SLC35A1: variants seen among roughly 807,000 people sequenced by gnomAD.
The protein encoded by SLC35A1 is solute carrier family 35 member A1.
Under a neutral mutation model 40.3 loss-of-function variants are expected in SLC35A1, and 21 were observed. That is an observed-to-expected ratio of 0.52 (90% CI 0.37 to 0.75). SLC35A1 has a LOEUF of 0.75. Ranked by LOEUF, SLC35A1 falls within the 30% of genes least tolerant of loss-of-function variation. The pLI is 0.00. For missense variants in SLC35A1, 297 were observed against 382.1 expected, an observed-to-expected ratio of 0.78 and a Z score of 1.86; for synonymous variants, 146 against 147.3, an observed-to-expected ratio of 0.99 and a Z score of 0.06.
At chr6:87,501,489 T>G (rs1166096667) in intron 4 of SLC35A1, among the ~76,000 whole-genome samples, 179 bp downstream of exon 4, 8 of 152,214 alleles carry the variant, frequency 5.3e-5, no homozygotes. Flanking sequence ...TACTTATTGG[T>G]TGTTTCTCAG....
At chr6:87,509,459 G>T (rs1252930088) in intron 7 of SLC35A1, among the ~76,000 whole-genome samples, 2 of 152,080 alleles carry the variant, frequency 1.3e-5, no homozygotes, top group Non-Finnish European at 2.9e-5. Context: ...GTATTTTTAG[G>T]TATTGTATAT....
chr6:87,506,597 T>C, intron 5 of SLC35A1, 149 bp downstream of exon 5: 1 of 713,700 alleles, frequency 1.4e-6, no homozygotes, highest in East Asian at 2.7e-5. Context: ...TCAGCTGTTT[T>C]TCCAGTAAAT....
chr6:87,509,797 C>G (rs536580413), intron 7 of SLC35A1, among the ~76,000 whole-genome samples: 12 of 152,040 alleles, frequency 7.9e-5, no homozygotes, highest in Non-Finnish European at 1.3e-4. Context: ...ACTCTCACAC[C>G]CAGCATTAAT....
intron 4 of SLC35A1, among the ~76,000 whole-genome samples, 188 bp from the exon 5 acceptor site, chr6:87,506,194 G>A (rs537782108): frequency 6.6e-6 from 1 of 152,270 alleles, no homozygotes; most frequent in South Asian, 2.1e-4. Flanking sequence ...TTTCACTTAA[G>A]CCAAGTGCCC....
intron 1 of SLC35A1, among the ~76,000 whole-genome samples, chr6:87,473,431 C>G (rs1768976694): frequency 6.6e-6 from 1 of 152,218 alleles, no homozygotes; most frequent in South Asian, 2.1e-4. Flanking sequence ...GCCTCCTACC[C>G]TGTGGATGCT....
intron 2 of SLC35A1, among the ~76,000 whole-genome samples, chr6:87,479,524 G>A (rs1769188641): frequency 6.6e-6 from 1 of 152,194 alleles, no homozygotes; most frequent in Admixed American, 6.5e-5. Context: ...TAACTCATTG[G>A]ACAGAGCAGT....
intron 4 of SLC35A1, among the ~76,000 whole-genome samples, chr6:87,505,253 T>A (rs1770043779): frequency 1.3e-5 from 2 of 152,200 alleles, no homozygotes; most frequent in South Asian, 4.1e-4. Flanking sequence ...GGTATATACT[T>A]CCTTGTCATA....
At chr6:87,504,522 C>G (rs938086325) in intron 4 of SLC35A1, among the ~76,000 whole-genome samples, 1 of 152,132 alleles carries the variant, frequency 6.6e-6, no homozygotes, top group African/African-American at 2.4e-5. Flanking sequence ...CTCTTAATCT[C>G]TCTTGAATGT....
chr6:87,511,964 C>T lies in SLC35A1; in HGVS notation c.*438C>T. The T allele has an allele frequency of 4.4e-6, 1 of 226,508 alleles. No individual in the cohort carries two copies. The highest frequency in any genetic ancestry group is 1.1e-4 in the East Asian group (1 of 9,380). 14.0% of individuals were successfully genotyped at this position (226,508 alleles called of 1,614,324 possible). ...CCCTCCTTATTCTCCAATTCATGTA[C>T]AGTATTTTGTCCTAGCAGCATAAAG... On this transcript the variant is annotated 3_prime_UTR_variant, in exon 8 of 8. Coordinates refer to ENST00000369552, the MANE Select transcript of SLC35A1 (RefSeq NM_006416.5).
intron 2 of SLC35A1, among the ~76,000 whole-genome samples, chr6:87,496,779 C>CAAAAAAAA (rs751785939): frequency 3.6e-5 from 1 of 28,110 alleles, no homozygotes; most frequent in Non-Finnish European, 6.6e-5. Context: ...GACTCCATCT[C>CAAAAAAAA]AAAAAAAAAA....
At chr6:87,494,302 CA>C (rs1283632657) in intron 2 of SLC35A1, among the ~76,000 whole-genome samples, 1 of 151,848 alleles carries the variant, frequency 6.6e-6, no homozygotes, top group Non-Finnish European at 1.5e-5. Flanking sequence ...ATTATTATAT[CA>C]GATAACTTTT....
At chr6:87,502,043 T>G (rs1769936869) in intron 4 of SLC35A1, among the ~76,000 whole-genome samples, 1 of 152,172 alleles carries the variant, frequency 6.6e-6, no homozygotes, top group East Asian at 1.9e-4. Flanking sequence ...GCAAACAGAC[T>G]ATGGTTCTCT....
intron 7 of SLC35A1, 91 bp from the exon 8 acceptor site, chr6:87,511,308 C>T: frequency 7.3e-7 from 1 of 1,369,496 alleles, no homozygotes. Flanking sequence ...TAGTGTAAAC[C>T]CACAATTAAG....
At chr6:87,493,250 C>CA (rs1447790023) in intron 2 of SLC35A1, among the ~76,000 whole-genome samples, 1 of 152,156 alleles carries the variant, frequency 6.6e-6, no homozygotes, top group African/African-American at 2.4e-5. Context: ...TATCTTGTTA[C>CA]AGGCTTTTCT....
chr6:87,489,831 A>ATT (rs35994719), intron 2 of SLC35A1, among the ~76,000 whole-genome samples: 23 of 141,356 alleles, frequency 1.6e-4, no homozygotes, highest in East Asian at 6.1e-4. Context: ...GCCTGGCCAA[A>ATT]TTTTTTTTTT....
chr6:87,509,496 G>T (rs191583179), intron 7 of SLC35A1, among the ~76,000 whole-genome samples: 111 of 152,296 alleles, frequency 7.3e-4, no homozygotes, highest in African/African-American at 2.6e-3. Context: ...CTGAATGTGA[G>T]AAGGTACTCA....
chr6:87,503,475 T>C (rs537302462), intron 4 of SLC35A1, among the ~76,000 whole-genome samples: 77 of 152,266 alleles, frequency 5.1e-4, no homozygotes, highest in African/African-American at 1.8e-3. Context: ...AAAAATATTA[T>C]GTGGCTGGTC....
intron 2 of SLC35A1, among the ~76,000 whole-genome samples, chr6:87,490,930 A>G (rs1385318745): frequency 4.6e-5 from 7 of 152,228 alleles, no homozygotes; most frequent in African/African-American, 9.6e-5. Context: ...CTTTAAGATT[A>G]TATTTGCTGC....
chr6:87,480,284 C>T (rs2127964148), intron 2 of SLC35A1, among the ~76,000 whole-genome samples: 1 of 152,322 alleles, frequency 6.6e-6, no homozygotes, highest in East Asian at 1.9e-4. Context: ...AAGAGCTTAG[C>T]ACAATTTGTT....
Sources: gnomAD v4.1 joint callset for allele counts (sites outside exome capture counted in the v4.1 genomes callset) on GRCh38, gnomAD v4.1.1 for gene constraint, MANE v1.5 for transcripts, NCBI Gene and HGNC (gene_info 2026-07-23, HGNC 2026-07-21) for gene names.